The following AUTS2 variants were observed in gnomAD, a reference collection of about 807,000 sequenced individuals.
AUTS2 encodes activator of transcription and developmental regulator AUTS2.
Under a neutral mutation model 112.4 loss-of-function variants are expected in AUTS2, and 17 were observed. The observed-to-expected ratio is 0.15, with a 90% CI of 0.10 to 0.23. The LOEUF is 0.23. AUTS2 is among the 10% of genes least tolerant of loss of function. The pLI is 1.00. For synonymous variants in AUTS2, 751 were observed against 702.7 expected, an observed-to-expected ratio of 1.07 and a Z score of -1.09; for missense variants, 1,510 against 1,701.6, an observed-to-expected ratio of 0.89 and a Z score of 1.98.
intron 2 of AUTS2, among the ~76,000 whole-genome samples, chr7:70,000,734 C>T (rs1212864283): frequency 6.6e-6 from 1 of 152,106 alleles, no homozygotes; most frequent in Admixed American, 6.5e-5. Context: ...TAAAGAGAGT[C>T]CCATCTGCCC....
chr7:70,262,803 TG>T (rs1204077615), intron 4 of AUTS2, among the ~76,000 whole-genome samples: 1 of 152,146 alleles, frequency 6.6e-6, no homozygotes, highest in African/African-American at 2.4e-5. Context: ...CTTTAATAAG[TG>T]GCCACAGTAG....
intron 1 of AUTS2, among the ~76,000 whole-genome samples, chr7:69,632,131 T>C (rs1158446296): frequency 6.6e-6 from 1 of 152,216 alleles, no homozygotes; most frequent in Non-Finnish European, 1.5e-5. Flanking sequence ...TTAGAGGTCT[T>C]TGTTGTCAGT....
chr7:70,627,862 T>G (rs1223335923), intron 5 of AUTS2, among the ~76,000 whole-genome samples: 1 of 152,170 alleles, frequency 6.6e-6, no homozygotes, highest in Admixed American at 6.5e-5. Context: ...ATAAACGTGG[T>G]CAGGATGTCA....
At chr7:70,282,948 A>C (rs1362765767) in intron 4 of AUTS2, among the ~76,000 whole-genome samples, 1 of 152,206 alleles carries the variant, frequency 6.6e-6, no homozygotes, top group Non-Finnish European at 1.5e-5. Context: ...TAAAAAAATC[A>C]GACCAATTGT....
At chr7:69,652,356 G>T (rs539151147) in intron 1 of AUTS2, among the ~76,000 whole-genome samples, 1 of 151,862 alleles carries the variant, frequency 6.6e-6, no homozygotes, top group East Asian at 1.9e-4. Flanking sequence ...CTTGGTGGCT[G>T]TTAGTACCTG....
chr7:69,754,688 A>T (rs889420940), intron 1 of AUTS2, among the ~76,000 whole-genome samples: 1 of 152,144 alleles, frequency 6.6e-6, no homozygotes, highest in Non-Finnish European at 1.5e-5. Flanking sequence ...GTAAAGGAAA[A>T]TGACATTCGA....
chr7:70,082,854 A>C (rs919467180), intron 2 of AUTS2, among the ~76,000 whole-genome samples: 13 of 152,186 alleles, frequency 8.5e-5, no homozygotes, highest in African/African-American at 3.1e-4. Context: ...GTCACCAGTA[A>C]ATTTCTAAGT....
chr7:70,241,659 C>G (rs1812620394), intron 4 of AUTS2, among the ~76,000 whole-genome samples: 3 of 152,046 alleles, frequency 2.0e-5, no homozygotes, highest in Admixed American at 2.0e-4. Context: ...CAAAGGTAAT[C>G]AAAAGAAAGA....
intron 5 of AUTS2, among the ~76,000 whole-genome samples, chr7:70,491,050 A>G (rs909002650): frequency 6.6e-6 from 1 of 152,144 alleles, no homozygotes; most frequent in African/African-American, 2.4e-5. Flanking sequence ...CAGGACCGGC[A>G]CCTGTCAGCC....
chr7:69,823,950 A>G (rs898450257), intron 1 of AUTS2, among the ~76,000 whole-genome samples: 1 of 152,164 alleles, frequency 6.6e-6, no homozygotes, highest in Non-Finnish European at 1.5e-5. Flanking sequence ...CTCTAGAGGT[A>G]TGATTTTGAC....
chr7:69,711,784 A>G (rs984305874), intron 1 of AUTS2, among the ~76,000 whole-genome samples: 3 of 152,186 alleles, frequency 2.0e-5, no homozygotes, highest in African/African-American at 7.2e-5. Flanking sequence ...TGTAACAAAG[A>G]TTATTGGTTC....
At chr7:70,621,071 G>A (rs564686589) in intron 5 of AUTS2, among the ~76,000 whole-genome samples, 3 of 152,202 alleles carry the variant, frequency 2.0e-5, no homozygotes, top group South Asian at 4.1e-4. Flanking sequence ...TGAAGGAAGA[G>A]CAGCAGCTTA....
chr7:70,042,352 G>C (rs899757856), intron 2 of AUTS2, among the ~76,000 whole-genome samples: 1 of 152,146 alleles, frequency 6.6e-6, no homozygotes, highest in South Asian at 2.1e-4. Context: ...CAAGGTTCCT[G>C]TTGAAACAGA....
chr7:70,134,261 C>G (rs1806427477), intron 3 of AUTS2, among the ~76,000 whole-genome samples: 1 of 152,104 alleles, frequency 6.6e-6, no homozygotes, highest in Non-Finnish European at 1.5e-5. Context: ...AATTCATTAC[C>G]CAGCTGCCTG....
At chr7:70,327,741 T>C (rs1456023306) in intron 4 of AUTS2, among the ~76,000 whole-genome samples, 1 of 152,218 alleles carries the variant, frequency 6.6e-6, no homozygotes, top group Admixed American at 6.5e-5. Context: ...AAAAACTTTC[T>C]ATTCCTCATC....
intron 1 of AUTS2, among the ~76,000 whole-genome samples, chr7:69,895,136 A>G (rs1318593743): frequency 6.6e-6 from 1 of 152,098 alleles, no homozygotes; most frequent in Non-Finnish European, 1.5e-5. Flanking sequence ...AAACAATTAC[A>G]CAGGCATGTA....
chr7:69,861,445 C>A (rs1203954613), intron 1 of AUTS2, among the ~76,000 whole-genome samples: 2 of 152,158 alleles, frequency 1.3e-5, no homozygotes, highest in Non-Finnish European at 2.9e-5. Flanking sequence ...TGTACCATCT[C>A]ACAGTTATAA....
intron 1 of AUTS2, among the ~76,000 whole-genome samples, chr7:69,666,510 A>G (rs1467397336): frequency 6.6e-6 from 1 of 152,172 alleles, no homozygotes; most frequent in African/African-American, 2.4e-5. Flanking sequence ...AAACCTACTT[A>G]CTTCTAAGCC....
At chr7:70,266,559 G>A (rs1787436244) in intron 4 of AUTS2, among the ~76,000 whole-genome samples, 1 of 152,128 alleles carries the variant, frequency 6.6e-6, no homozygotes, top group Admixed American at 6.5e-5. Flanking sequence ...ATCCAGTGGG[G>A]TCTGATGGCA....
Sources: allele counts gnomAD v4.1 joint callset (sites outside exome capture counted in the v4.1 genomes callset), GRCh38; gene constraint gnomAD v4.1.1; transcripts MANE v1.5; gene names NCBI Gene and HGNC (gene_info 2026-07-23, HGNC 2026-07-21).